The following PRRC2C variants were observed in gnomAD, a reference collection of about 807,000 sequenced individuals.
PRRC2C encodes proline rich coiled-coil 2C, also known as protein PRRC2C.
PRRC2C carries 72 observed loss-of-function variants against 317.2 expected under a neutral mutation model. The observed-to-expected ratio is 0.23, with a 90% CI of 0.19 to 0.28. The LOEUF (loss-of-function observed/expected upper bound fraction) is 0.28. PRRC2C is among the 10% of genes least tolerant of loss of function. The pLI is 1.00. For synonymous variants in PRRC2C, 1,296 were observed against 1,205.9 expected, an observed-to-expected ratio of 1.07 and a Z score of -1.55; for missense variants, 3,074 against 3,459.7, an observed-to-expected ratio of 0.89 and a Z score of 2.80.
rs1182012515 is a variant in PRRC2C at position 171,584,151 on chromosome 1, A to G, written c.7605A>G (p.Leu2535=). 2 of 1,613,858 alleles carry G rather than the reference A, an allele frequency of 1.2e-6. No homozygotes were observed. The highest frequency in any genetic ancestry group is 2.2e-5 in the South Asian group (2 of 91,088). Residue 2535 remains leucine (L), a synonymous_variant, in exon 29 of 35, where the codon CTA becomes CTG. Transcript: ENST00000647382. ...ATCAACTGGGGCAGGCATCAGGACT[A>G]GGAGGTTCCCAGCTGATTGACACAC... The part of the protein sequence containing the change: ...YEHQLGQASG[L]GGSQLIDTHL...
At chr1:171,584,595 G>A in intron 30 of PRRC2C, 69 bp downstream of exon 30, 1 of 1,475,068 alleles carries the variant, frequency 6.8e-7, no homozygotes, top group Non-Finnish European at 9.1e-7. Context: ...GTTATTGTTT[G>A]GGAATTTAAA....
chr1:171,520,457 T>G (rs1673343831), intron 6 of PRRC2C, among the ~76,000 whole-genome samples: 1 of 152,224 alleles, frequency 6.6e-6, no homozygotes, highest in Admixed American at 6.5e-5. Context: ...TGATTATATT[T>G]GAATAAAGTG....
chr1:171,563,982 T>G (rs1558012001), intron 20 of PRRC2C, among the ~76,000 whole-genome samples: 1 of 152,188 alleles, frequency 6.6e-6, no homozygotes, highest in Non-Finnish European at 1.5e-5. Flanking sequence ...GCAAGATATT[T>G]TATTGGTGTC....
intron 18 of PRRC2C, among the ~76,000 whole-genome samples, chr1:171,553,268 T>TCCA (rs1323640956): frequency 0.087 from 13,311 of 152,150 alleles, 1,889 homozygotes; most frequent in African/African-American, 0.3. Flanking sequence ...TGTAGTATTC[T>TCCA]GTGATGGTAG....
chr1:171,527,883 T>G (rs762540996), intron 11 of PRRC2C, 39 bp downstream of exon 11: 8 of 1,508,998 alleles, frequency 5.3e-6, no homozygotes, highest in Non-Finnish European at 7.2e-6. Context: ...ATATATTTTA[T>G]TTGACCTTTT....
chr1:171,587,612 A>G (rs1650346544), intron 31 of PRRC2C, 36 bp from the exon 32 acceptor site: 1 of 1,424,630 alleles, frequency 7.0e-7, no homozygotes, highest in Non-Finnish European at 9.9e-7. Flanking sequence ...TTGTGGAATT[A>G]AAGAAATGTT....
In PRRC2C at chr1:171,542,262, G is replaced by C. The variant is rs1469136301; in HGVS notation, c.4763+33G>C. The C allele has an allele frequency of 6.9e-6, 10 of 1,452,626 alleles. No individual in the cohort carries two copies. The Middle Eastern group carries it at 5.4e-4, about 78-fold the overall frequency. The allele number at this position is 1,452,626 out of a possible 1,614,324, so 90.0% of individuals were successfully genotyped here. Reference sequence around the variant, plus strand: ...CTTTGTTTTAAATATAGTTGCTTTTGCACCTTTAAAGAAGCTAAAAGTAGA... The same window carrying C: ...CTTTGTTTTAAATATAGTTGCTTTTCCACCTTTAAAGAAGCTAAAAGTAGA... On this transcript the variant is annotated intron_variant, in intron 16 of 34. Coordinates refer to ENST00000647382, the MANE Select transcript of PRRC2C (RefSeq NM_001387844.1).
At chr1:171,499,517 A>G (rs1174753497) in intron 1 of PRRC2C, among the ~76,000 whole-genome samples, 1 of 152,196 alleles carries the variant, frequency 6.6e-6, no homozygotes, top group Non-Finnish European at 1.5e-5. Context: ...TGGGCCGGGC[A>G]CGGTGGCTCA....
At chr1:171,492,569 G>C (rs921486532) in intron 1 of PRRC2C, among the ~76,000 whole-genome samples, 1 of 151,866 alleles carries the variant, frequency 6.6e-6, no homozygotes, top group South Asian at 2.1e-4. Flanking sequence ...CCTGGGAGTG[G>C]GGGACTAACA....
At chr1:171,521,806 TTAATG>T (rs1203345107) in intron 6 of PRRC2C, among the ~76,000 whole-genome samples, 8 of 152,230 alleles carry the variant, frequency 5.3e-5, no homozygotes, top group South Asian at 2.1e-4. Flanking sequence ...TACAATTACT[TTAATG>T]TAATTTATAT....
rs765040351 is a variant in PRRC2C at position 171,524,897 on chromosome 1, T to A, written c.1132T>A (p.Ser378Thr). Reference sequence around the variant, plus strand: ...AGATGAAGTTTCCAACACTAAATCATCTTCCCAAATACCTGCCCAACCATC... The same window carrying A: ...AGATGAAGTTTCCAACACTAAATCAACTTCCCAAATACCTGCCCAACCATC... ...ETDEVSNTKSSSQIPAQPSVA... is the reference protein window; with the variant it reads ...ETDEVSNTKSTSQIPAQPSVA... Residue 378 changes from serine (S) to threonine (T), a missense_variant, in exon 10 of 35, where the codon TCT (serine) becomes ACT (threonine). Physicochemically the swap from Ser to Thr is moderately conservative, Grantham distance 58. Coordinates refer to ENST00000647382, the MANE Select transcript of PRRC2C (RefSeq NM_001387844.1). 5.6e-6 allele frequency: 9 copies of A among 1,610,950 alleles called. No homozygotes were observed. The highest frequency in any genetic ancestry group is 7.6e-6 in the Non-Finnish European group (9 of 1,178,368).
chr1:171,548,045 A>G (rs1056221891), intron 17 of PRRC2C, among the ~76,000 whole-genome samples: 4 of 152,164 alleles, frequency 2.6e-5, no homozygotes, highest in Non-Finnish European at 5.9e-5. Flanking sequence ...GGCTCACTGC[A>G]ACCTCTGCCT....
At chr1:171,530,168 A>G (rs1040734126) in intron 11 of PRRC2C, among the ~76,000 whole-genome samples, 3 of 151,068 alleles carry the variant, frequency 2.0e-5, no homozygotes, top group South Asian at 4.1e-4. Flanking sequence ...TTTGGAGAAC[A>G]TTTCCCAAAG....
rs116669147 is a variant in PRRC2C at position 171,528,882 on chromosome 1, G to A, written c.1254+1038G>A. ...GCTGGAGTGCAGTGGTGTAATCATA[G>A]CTCACTGCCACCTGGACTCCTGGGC... is the stretch of plus-strand genomic sequence containing the variant. On this transcript the variant is annotated intron_variant, in intron 11 of 34. Coordinates refer to ENST00000647382, the MANE Select transcript of PRRC2C (RefSeq NM_001387844.1). Among the ~76,000 whole-genome samples, 1,257 of 151,942 alleles carry A rather than the reference G, an allele frequency of 8.3e-3. 6 individuals carry two copies. Among genetic ancestry groups the A allele is most frequent in the Non-Finnish European group, 0.015 (998 of 67,966 alleles).
intron 22 of PRRC2C, 36 bp downstream of exon 22, chr1:171,566,879 G>C (rs761093696): frequency 6.4e-7 from 1 of 1,564,328 alleles, no homozygotes; most frequent in South Asian, 1.2e-5. Context: ...TTCAACAGAT[G>C]CAAGCCATGT....
chr1:171,507,100 G>A (rs768123500), intron 1 of PRRC2C, among the ~76,000 whole-genome samples: 5 of 152,092 alleles, frequency 3.3e-5, no homozygotes, highest in Middle Eastern at 3.4e-3. Flanking sequence ...TAGCTTTAAG[G>A]TCTGTTAGAC....
intron 1 of PRRC2C, among the ~76,000 whole-genome samples, chr1:171,503,894 C>T (rs1286162755): frequency 1.3e-5 from 2 of 152,284 alleles, no homozygotes; most frequent in East Asian, 3.9e-4. Context: ...TACAGGGAAA[C>T]TTCCCTTTAT....
intron 17 of PRRC2C, among the ~76,000 whole-genome samples, chr1:171,546,584 A>G (rs1477339921): frequency 6.6e-6 from 1 of 152,120 alleles, no homozygotes; most frequent in Non-Finnish European, 1.5e-5. Context: ...TGAGCAATGC[A>G]AATTCTTCAT....
intron 25 of PRRC2C, 32 bp downstream of exon 25, chr1:171,575,160 T>G (rs1470451044): frequency 6.5e-7 from 1 of 1,535,444 alleles, no homozygotes; most frequent in African/African-American, 1.4e-5. Context: ...TCTTTAAATA[T>G]CTTACATTAT....
Sources: allele counts gnomAD v4.1 joint callset (sites outside exome capture counted in the v4.1 genomes callset), GRCh38; gene constraint gnomAD v4.1.1; transcripts MANE v1.5; gene names NCBI Gene and HGNC (gene_info 2026-07-23, HGNC 2026-07-21).